Variants in EXOC2 observed in about 807,000 individuals in gnomAD.
The protein encoded by EXOC2 is SEC5-like 1.
A neutral mutation model predicts 131.8 loss-of-function variants in EXOC2; 70 were observed. The observed-to-expected ratio is 0.53, with a 90% CI of 0.44 to 0.65. The LOEUF is 0.65. Ranked by LOEUF, EXOC2 falls within the 30% of genes least tolerant of loss-of-function variation. EXOC2 has a pLI of 0.00. For missense variants in EXOC2, 923 were observed against 1,108.6 expected, an observed-to-expected ratio of 0.83 and a Z score of 2.38; for synonymous variants, 411 against 398.4, an observed-to-expected ratio of 1.03 and a Z score of -0.38.
intron 4 of EXOC2, among the ~76,000 whole-genome samples, chr6:621,648 A>G (rs772016030): frequency 1.3e-5 from 2 of 152,154 alleles, no homozygotes; most frequent in Non-Finnish European, 2.9e-5. Context: ...CACCACTTCC[A>G]CCGAGACTGA....
chr6:645,695 T>C (rs1319680349), intron 1 of EXOC2, among the ~76,000 whole-genome samples: 1 of 152,212 alleles, frequency 6.6e-6, no homozygotes, highest in Non-Finnish European at 1.5e-5. Flanking sequence ...GGTAGATTTA[T>C]GTGTGTGTGC....
At chr6:674,712 ATGTTTGTTTGTTTGTTTGTT>A (rs556375852) in intron 1 of EXOC2, among the ~76,000 whole-genome samples, 1 of 148,570 alleles carries the variant, frequency 6.7e-6, no homozygotes, top group Non-Finnish European at 1.5e-5. Context: ...TGTATTAACC[ATGTTTGTTTGTTTGTTTGTT>A]TGTTTGTTTG....
intron 5 of EXOC2, among the ~76,000 whole-genome samples, chr6:618,938 G>A (rs1193057503): frequency 6.6e-6 from 1 of 152,126 alleles, no homozygotes; most frequent in Non-Finnish European, 1.5e-5. Flanking sequence ...GTAATTAGAA[G>A]ACAGAAGGGA....
At chr6:606,437 C>T (rs1760417848) in intron 7 of EXOC2, among the ~76,000 whole-genome samples, 1 of 150,936 alleles carries the variant, frequency 6.6e-6, no homozygotes, top group Admixed American at 6.6e-5. Context: ...AGAATCTCCA[C>T]ATCACAAGAA....
chr6:532,336 A>G (rs1265393855), intron 23 of EXOC2, 133 bp downstream of exon 23: 18 of 1,034,594 alleles, frequency 1.7e-5, no homozygotes, highest in Non-Finnish European at 2.2e-5. Context: ...AAGCAAACAA[A>G]AAGTTAAAAT....
intron 11 of EXOC2, among the ~76,000 whole-genome samples, chr6:582,592 C>T (rs771055201): frequency 1.2e-4 from 18 of 149,824 alleles, no homozygotes; most frequent in African/African-American, 3.2e-4. Context: ...TCCTTTCAAG[C>T]GCACCACACA....
At chr6:675,086 T>C (rs1165835524) in intron 1 of EXOC2, among the ~76,000 whole-genome samples, 1 of 152,212 alleles carries the variant, frequency 6.6e-6, no homozygotes, top group Non-Finnish European at 1.5e-5. Flanking sequence ...CCTCCTGACC[T>C]ACCCCCAGTG....
chr6:593,417 T>C (rs1759651156), intron 10 of EXOC2, among the ~76,000 whole-genome samples: 1 of 152,234 alleles, frequency 6.6e-6, no homozygotes. Context: ...ACCTCTAAAG[T>C]CCACACTCAC....
At chr6:609,927 C>T (rs1023604362) in intron 7 of EXOC2, among the ~76,000 whole-genome samples, 171 bp downstream of exon 7, 5 of 152,142 alleles carry the variant, frequency 3.3e-5, no homozygotes, top group Non-Finnish European at 5.9e-5. Flanking sequence ...AGAAACAGAA[C>T]ATTCATTTTC....
chr6:498,207 G>C (rs1763849591), intron 24 of EXOC2, among the ~76,000 whole-genome samples: 2 of 152,028 alleles, frequency 1.3e-5, no homozygotes, highest in African/African-American at 4.8e-5. Context: ...GAAATTTTTG[G>C]CAATTTAAGA....
At chr6:544,533 A>G (rs1756729821) in intron 22 of EXOC2, among the ~76,000 whole-genome samples, 1 of 152,234 alleles carries the variant, frequency 6.6e-6, no homozygotes, top group Admixed American at 6.5e-5. Context: ...AATAGCCTGT[A>G]AACAAAATTT....
intron 1 of EXOC2, among the ~76,000 whole-genome samples, chr6:661,929 C>T (rs575377491): frequency 6.6e-6 from 1 of 152,274 alleles, no homozygotes; most frequent in African/African-American, 2.4e-5. Context: ...CATAAGGACT[C>T]ACATAAAGTT....
At chr6:581,273 G>A (rs949028050) in intron 11 of EXOC2, among the ~76,000 whole-genome samples, 16 of 147,090 alleles carry the variant, frequency 1.1e-4, no homozygotes, top group Non-Finnish European at 2.1e-4. Flanking sequence ...TCCAGTCTGG[G>A]AGACAGAGCG....
At chr6:659,299 G>T (rs1429256307) in intron 1 of EXOC2, among the ~76,000 whole-genome samples, 1 of 152,168 alleles carries the variant, frequency 6.6e-6, no homozygotes, top group Admixed American at 6.5e-5. Flanking sequence ...AACTAATGAC[G>T]AATCCTCTAG....
At chr6:669,015 C>A (rs1035891091) in intron 1 of EXOC2, 2 of 152,208 alleles carry the variant, frequency 1.3e-5, no homozygotes, top group Middle Eastern at 3.4e-3. Context: ...CATGAAGGTG[C>A]GGAATAAACG....
intron 18 of EXOC2, 143 bp from the exon 19 acceptor site, chr6:556,156 G>A (rs576953068): frequency 1.4e-6 from 1 of 739,986 alleles, no homozygotes; most frequent in Non-Finnish European, 2.3e-6. Context: ...GCGAAGAGTG[G>A]GCCTACTGGG....
At chr6:563,122 T>C (rs954986429) in intron 16 of EXOC2, among the ~76,000 whole-genome samples, 1 of 152,240 alleles carries the variant, frequency 6.6e-6, no homozygotes, top group Non-Finnish European at 1.5e-5. Context: ...CTTGAGACAA[T>C]CATTTATTAC....
intron 7 of EXOC2, among the ~76,000 whole-genome samples, chr6:607,551 C>T (rs958900627): frequency 2.0e-5 from 3 of 152,224 alleles, no homozygotes; most frequent in African/African-American, 4.8e-5. Flanking sequence ...AACACAGTAA[C>T]TACCAGCCAC....
intron 11 of EXOC2, among the ~76,000 whole-genome samples, chr6:591,509 G>C (rs556837038): frequency 6.6e-6 from 1 of 152,138 alleles, no homozygotes; most frequent in East Asian, 1.9e-4. Context: ...GATCTCAAAA[G>C]AGATGTCACT....
Sources: allele counts gnomAD v4.1 joint callset (sites outside exome capture counted in the v4.1 genomes callset), GRCh38; gene constraint gnomAD v4.1.1; transcripts MANE v1.5; gene names NCBI Gene and HGNC (gene_info 2026-07-23, HGNC 2026-07-21).